Variants in CHMP4A observed in about 807,000 individuals in gnomAD.
The protein encoded by CHMP4A is charged multivesicular body protein 4A.
In CHMP4A, 29 loss-of-function variants were observed where a neutral mutation model predicts 28.2. That is an observed-to-expected ratio of 1.03 (90% CI 0.77 to 1.40). The LOEUF (loss-of-function observed/expected upper bound fraction) is 1.40. CHMP4A is among the 40% of genes most tolerant of loss of function. CHMP4A has a pLI of 0.00. For missense variants in CHMP4A, 241 were observed against 263.5 expected (o/e 0.91, Z 0.59); for synonymous variants, 88 against 99.3 (o/e 0.89, Z 0.67).
rs537771236 is a variant in CHMP4A at position 24,209,893 on chromosome 14, G to A, written c.653C>T (p.Ala218Val). The A allele has an allele frequency of 6.2e-7, 1 of 1,614,028 alleles. No individual in the cohort carries two copies. The highest frequency in any genetic ancestry group is 1.1e-5 in the South Asian group (1 of 91,080). Residue 218 changes from alanine to valine, a missense_variant, in exon 6 of 6, where the codon GCT (alanine) becomes GTT (valine). Transcript: ENST00000347519. The stretch of plus-strand genomic sequence containing the variant: ...CCAGATTTATCAGGATACCCACTCA[G>A]CCAACTGCTTTAGTGCTTCTTCATC... ...DEDEEALKQL[A>V]EWVS
Position 24,209,798 on chromosome 14 carries a change from T to C in CHMP4A, c.*79A>G. The C allele has an allele frequency of 3.6e-6, 5 of 1,405,888 alleles. No homozygotes were observed. Among genetic ancestry groups the C allele is most frequent in the South Asian group, 1.2e-5 (1 of 86,498 alleles). The allele number at this position is 1,405,888 out of a possible 1,614,324, so 87.1% of individuals were successfully genotyped here. On this transcript the variant is annotated 3_prime_UTR_variant, in exon 6 of 6. Transcript: ENST00000347519. ...TCAGCATGACTTCCCCAAAAAGTTA[T>C]CCTCCTTTAGCTCAGCACTTGGCAC...
Position 24,210,665 on chromosome 14 carries a change from C to T in CHMP4A, c.463G>A (p.Asp155Asn). The T allele has an allele frequency of 6.2e-7, 1 of 1,613,648 alleles. No individual in the cohort carries two copies. Among genetic ancestry groups the T allele is most frequent in the Non-Finnish European group, 8.5e-7 (1 of 1,179,506 alleles). Residue 155 changes from aspartate (D) to asparagine (N), a missense_variant, in exon 4 of 6, where the codon GAT (aspartate) becomes AAT (asparagine). By Grantham distance (23) the Asp-to-Asn change is conservative (BLOSUM62 1). Coordinates refer to ENST00000347519, the MANE Select transcript of CHMP4A (RefSeq NM_014169.5). Reference sequence around the variant, plus strand: ...TCACCCCCAATCACCTCATCCACATCATCTCCAAAGCCCATAGGCCGAGAA... The same window carrying T: ...TCACCCCCAATCACCTCATCCACATTATCTCCAAAGCCCATAGGCCGAGAA... ...AISRPMGFGD[D>N]VDEDELLEEL...
chr14:24,211,994 C>T lies in CHMP4A; in HGVS notation c.32-165G>A, dbSNP rs2039595683. The T allele has an allele frequency of 4.5e-5, 26 of 572,042 alleles. No individual in the cohort carries two copies. The South Asian group carries it at 8.1e-4, about 18-fold the overall frequency. The allele number at this position is 572,042 out of a possible 1,614,324, so 35.4% of individuals were successfully genotyped here. A position where few individuals can be genotyped will look rare whatever the true frequency, so the allele number is the denominator to read the frequency against. ...CACTTTAAAAATGTGAAAACAACCA[C>T]AAAGATGTTAAAAATCACAACTAAT... On this transcript the variant is annotated intron_variant, in intron 1 of 5. Coordinates refer to ENST00000347519, the MANE Select transcript of CHMP4A (RefSeq NM_014169.5).
At chr14:24,211,391 C>A in intron 3 of CHMP4A, 24 bp downstream of exon 3, 1 of 1,582,502 alleles carries the variant, frequency 6.3e-7, no homozygotes, top group Non-Finnish European at 8.6e-7. Flanking sequence ...CCTGGGTCCC[C>A]TCCACCCCTC....
intron 2 of CHMP4A, 41 bp from the exon 3 acceptor site, chr14:24,211,633 C>A (rs1188139780): frequency 6.2e-7 from 1 of 1,610,726 alleles, no homozygotes; most frequent in South Asian, 1.1e-5. Context: ...GTCAGAAGCA[C>A]CTGCTTCCCA....
At position 24,211,406 on chromosome 14, in the gene CHMP4A, C is replaced by T. The variant is rs770110589; in HGVS notation, c.359+9G>A. ...CCTGGGTCCCCTCCACCCCTCCCCC[C>T]GTACCCACATGTCCTGGTAGGCCTT... On this transcript the variant is annotated intron_variant, in intron 3 of 5. Transcript: ENST00000347519. The T allele has an allele frequency of 3.2e-5, 51 of 1,593,056 alleles. No individual in the cohort carries two copies. The Admixed American group carries it at 3.4e-4, about 11-fold the overall frequency.
At position 24,213,440 on chromosome 14, in the gene CHMP4A, C is replaced by T. The variant is rs2039617176; in HGVS notation, c.-1G>A. 8.7e-6 allele frequency: 14 copies of T among 1,611,522 alleles called. No individual in the cohort carries two copies. Among genetic ancestry groups the T allele is most frequent in the Non-Finnish European group, 1.2e-5 (14 of 1,179,360 alleles). The stretch of plus-strand genomic sequence containing the variant: ...CGAAGAGCCTGCCGAGACCACTCAT[C>T]GCGAGCTCGCCTCTCCCGCCTCCGC... On this transcript the variant is annotated 5_prime_UTR_variant, in exon 1 of 6. Coordinates refer to ENST00000347519, the MANE Select transcript of CHMP4A (RefSeq NM_014169.5).
intron 5 of CHMP4A, 101 bp from the exon 6 acceptor site, chr14:24,210,036 G>T: frequency 8.7e-7 from 1 of 1,152,460 alleles, no homozygotes; most frequent in Non-Finnish European, 1.3e-6. Context: ...GCTGAATTCT[G>T]TCTCCCCAGC....
intron 1 of CHMP4A, chr14:24,212,677 C>T (rs2039605005): frequency 9.9e-6 from 3 of 302,214 alleles, no homozygotes; most frequent in Non-Finnish European, 1.9e-5. Context: ...GTCTCAGCCT[C>T]CCCCAGTAGC....
At position 24,209,927 on chromosome 14, in the gene CHMP4A, C is replaced by T; in HGVS notation, c.619G>A (p.Val207Met). Residue 207 changes from valine (V) to methionine (M), a missense_variant, in exon 6 of 6, where the codon GTG becomes ATG. Coordinates refer to ENST00000347519, the MANE Select transcript of CHMP4A (RefSeq NM_014169.5). ...TTTAGTGCTTCTTCATCTTCATCCA[C>T]TTTGGGAGCTTTGAGGACAAAGATA... ...THLPAGPAPK[V>M]DEDEEALKQL... The T allele has an allele frequency of 7.4e-6, 12 of 1,614,066 alleles. No homozygotes were observed. The highest frequency in any genetic ancestry group is 1.0e-5 in the Non-Finnish European group (12 of 1,179,946).
At chr14:24,212,630 C>T in intron 1 of CHMP4A, 1 of 379,588 alleles carries the variant, frequency 2.6e-6, no homozygotes, top group Non-Finnish European at 5.1e-6. Context: ...TCTTGGCTCA[C>T]TACAACCTCC....
intron 5 of CHMP4A, 28 bp from the exon 6 acceptor site, chr14:24,209,963 A>G (rs1209449138): frequency 6.2e-7 from 1 of 1,605,960 alleles, no homozygotes; most frequent in Non-Finnish European, 8.5e-7. Context: ...CCCAGAGAAA[A>G]GAAAGGAGAA....
intron 1 of CHMP4A, chr14:24,212,722 ATTTT>A (rs71119067): frequency 6.6e-6 from 1 of 151,498 alleles, no homozygotes. Context: ...CAACCAGCTA[ATTTT>A]TTTTTTTTTT....
chr14:24,210,728 C>T lies in CHMP4A; in HGVS notation c.400G>A (p.Glu134Lys). The T allele has an allele frequency of 1.2e-6, 2 of 1,614,154 alleles. No individual in the cohort carries two copies. The highest frequency in any genetic ancestry group is 1.7e-6 in the Non-Finnish European group (2 of 1,180,014). ...ATCTGCTGGGCCACCTCCTGTTGTTCCGTGATGTCAGTCATCAGTTCATCT... is the reference window on the plus strand; with the variant it reads ...ATCTGCTGGGCCACCTCCTGTTGTTTCGTGATGTCAGTCATCAGTTCATCT... ...KVDELMTDIT[E>K]QQEVAQQISD... Residue 134 changes from glutamate to lysine, a missense_variant, in exon 4 of 6, where the codon GAA (glutamate) becomes AAA (lysine). By Grantham distance (56) the Glu-to-Lys change is moderately conservative. Coordinates refer to ENST00000347519, the MANE Select transcript of CHMP4A (RefSeq NM_014169.5).
chr14:24,211,001 T>A (rs1221207385), intron 3 of CHMP4A: 1 of 512,096 alleles, frequency 2.0e-6, no homozygotes, highest in Non-Finnish European at 3.5e-6. Context: ...CTGGCCAAAA[T>A]GGCAAAACTC....
Position 24,213,205 on chromosome 14 carries a change from G to A in CHMP4A, c.31+204C>T, listed in dbSNP as rs888607293. 7 of 557,976 alleles carry A rather than the reference G, an allele frequency of 1.3e-5. No individual in the cohort carries two copies. The South Asian group carries it at 1.4e-4, about 11-fold the overall frequency. The allele number at this position is 557,976 out of a possible 1,614,324, so 34.6% of individuals were successfully genotyped here. A position where few individuals can be genotyped will look rare whatever the true frequency, so the allele number is the denominator to read the frequency against. ...CTGAGAGTGGGGGAGGACGGCGGACGGGAACAAGGCGCCCCGACATGGTGT... is the reference window on the plus strand; with the variant it reads ...CTGAGAGTGGGGGAGGACGGCGGACAGGAACAAGGCGCCCCGACATGGTGT... On this transcript the variant is annotated intron_variant, in intron 1 of 5. Transcript: ENST00000347519.
chr14:24,210,616 CT>C, intron 4 of CHMP4A, 37 bp downstream of exon 4: 1 of 1,598,824 alleles, frequency 6.3e-7, no homozygotes. Context: ...CAGTCCCATA[CT>C]TTCTGCAATA....
Position 24,213,397 on chromosome 14 carries a change from A to T in CHMP4A, c.31+12T>A, listed in dbSNP as rs952375816. 1.9e-6 allele frequency: 3 copies of T among 1,590,938 alleles called. No individual in the cohort carries two copies. The African/African-American group carries it at 4.1e-5, about 22-fold the overall frequency. ...CAGCGCCTCCTGGCTGGCCAGTCCC[A>T]CCCTGGCTCACCCTTCCCGAAGAGC... On this transcript the variant is annotated intron_variant, in intron 1 of 5. Coordinates refer to ENST00000347519, the MANE Select transcript of CHMP4A (RefSeq NM_014169.5).
Position 24,210,875 on chromosome 14 carries a change from C to T in CHMP4A, c.360-107G>A, listed in dbSNP as rs559092320. On this transcript the variant is annotated intron_variant, in intron 3 of 5. Transcript: ENST00000347519. ...GCCTTGCAGGGTCACACTGATAAGC[C>T]CATAACTATCAATCAGAAGAGATCC... is the stretch of plus-strand genomic sequence containing the variant. The T allele has an allele frequency of 1.0e-4, 79 of 785,168 alleles. No individual in the cohort carries two copies. In the African/African-American group the frequency reaches 1.2e-3, roughly 11 times the overall value. The allele number at this position is 785,168 out of a possible 1,614,324, so 48.6% of individuals were successfully genotyped here. A position where few individuals can be genotyped will look rare whatever the true frequency, so the allele number is the denominator to read the frequency against.
Sources: allele counts gnomAD v4.1 joint callset, GRCh38; gene constraint gnomAD v4.1.1; transcripts MANE v1.5; gene names NCBI Gene and HGNC (gene_info 2026-07-23, HGNC 2026-07-21).